Variants in SLC4A4 observed in about 807,000 individuals in gnomAD.
SLC4A4 encodes solute carrier family 4 member 4, also known as electrogenic sodium bicarbonate cotransporter 1.
Under a neutral mutation model 111.5 loss-of-function variants are expected in SLC4A4, and 27 were observed. That is an observed-to-expected ratio of 0.24 (90% confidence interval 0.18 to 0.33). SLC4A4 has a LOEUF of 0.33. SLC4A4 is among the 10% of genes least tolerant of loss of function. The probability of loss-of-function intolerance (pLI) is 1.00; values close to 1 mark genes in which losing one functional copy is unlikely to be tolerated. For synonymous variants in SLC4A4, 443 were observed against 463.4 expected (o/e 0.96, Z 0.57); for missense variants, 909 against 1,315.5 (o/e 0.69, Z 4.78).
At chr4:71,452,919 A>C (rs1456269873) in intron 11 of SLC4A4, among the ~76,000 whole-genome samples, 2 of 152,034 alleles carry the variant, frequency 1.3e-5, no homozygotes, top group African/African-American at 4.8e-5. Context: ...TTTTATCACT[A>C]TGTGTTGCAT....
At chr4:71,225,402 A>G (rs1718983032) in intron 1 of SLC4A4, among the ~76,000 whole-genome samples, 2 of 152,108 alleles carry the variant, frequency 1.3e-5, no homozygotes, top group Admixed American at 1.3e-4. Flanking sequence ...CTACATTGTT[A>G]TAGGTATTGA....
intron 2 of SLC4A4, among the ~76,000 whole-genome samples, chr4:71,236,894 C>T (rs1469132192): frequency 1.3e-5 from 2 of 152,162 alleles, no homozygotes; most frequent in Non-Finnish European, 2.9e-5. Flanking sequence ...AAAGTAAGTG[C>T]CTATGTTAGC....
chr4:71,234,729 C>T (rs576750313), intron 1 of SLC4A4, among the ~76,000 whole-genome samples: 34 of 152,310 alleles, frequency 2.2e-4, no homozygotes, highest in Admixed American at 7.2e-4. Flanking sequence ...CCACCACGGC[C>T]GGCCTCAAAT....
chr4:71,446,240 A>G (rs1435065005), intron 8 of SLC4A4, among the ~76,000 whole-genome samples: 1 of 152,142 alleles, frequency 6.6e-6, no homozygotes, highest in East Asian at 1.9e-4. Context: ...AACATTTTTT[A>G]AAGTATTTGC....
chr4:71,143,722 C>G (rs1454639652), intron 2 of SLC4A4, among the ~76,000 whole-genome samples: 1 of 151,954 alleles, frequency 6.6e-6, no homozygotes, highest in Non-Finnish European at 1.5e-5. Context: ...TTTACTGTGT[C>G]TTTTGGCTGC....
chr4:71,098,354 C>G (rs1742620215), intron 2 of SLC4A4, among the ~76,000 whole-genome samples: 1 of 152,036 alleles, frequency 6.6e-6, no homozygotes, highest in South Asian at 2.1e-4. Flanking sequence ...GGTCTTATTT[C>G]TAGGCTGTCT....
At chr4:71,477,338 C>T (rs529178725) in intron 14 of SLC4A4, among the ~76,000 whole-genome samples, 75 of 151,746 alleles carry the variant, frequency 4.9e-4, no homozygotes, top group African/African-American at 1.6e-3. Context: ...AAAGATGCCC[C>T]AGTGAGTTTA....
intron 12 of SLC4A4, among the ~76,000 whole-genome samples, chr4:71,464,137 A>G (rs997209938): frequency 3.9e-5 from 6 of 152,146 alleles, no homozygotes; most frequent in African/African-American, 1.4e-4. Flanking sequence ...ATAAATTATA[A>G]AGACATAGAA....
chr4:71,216,344 A>T (rs2149017096), intron 1 of SLC4A4, among the ~76,000 whole-genome samples: 1 of 152,270 alleles, frequency 6.6e-6, no homozygotes, highest in East Asian at 1.9e-4. Context: ...TCTGATTTTT[A>T]AAAATTGGCA....
chr4:71,261,848 T>C (rs1390355275), intron 3 of SLC4A4, among the ~76,000 whole-genome samples: 1 of 152,180 alleles, frequency 6.6e-6, no homozygotes, highest in East Asian at 1.9e-4. Flanking sequence ...TTGCTATTTA[T>C]AGTGACTTAT....
At chr4:71,337,796 CA>C (rs1216871193) in intron 3 of SLC4A4, among the ~76,000 whole-genome samples, 21 of 126,454 alleles carry the variant, frequency 1.7e-4, no homozygotes, top group Middle Eastern at 3.6e-3. Flanking sequence ...TTGGGATTAT[CA>C]TTTTTTTTTT....
chr4:71,341,050 A>G (rs1462989629), intron 4 of SLC4A4, among the ~76,000 whole-genome samples: 1 of 152,144 alleles, frequency 6.6e-6, no homozygotes, highest in Non-Finnish European at 1.5e-5. Context: ...TCTCATTGTC[A>G]TCATTATGTG....
At chr4:71,067,911 C>T (rs1242423477) in intron 1 of SLC4A4, among the ~76,000 whole-genome samples, 1 of 151,834 alleles carries the variant, frequency 6.6e-6, no homozygotes, top group Non-Finnish European at 1.5e-5. Context: ...ACACACCTGG[C>T]TAATTTTTAA....
chr4:71,267,809 A>G (rs1383393537), intron 3 of SLC4A4, among the ~76,000 whole-genome samples: 2 of 150,750 alleles, frequency 1.3e-5, no homozygotes, highest in Non-Finnish European at 3.0e-5. Flanking sequence ...AAAAAAAAAA[A>G]AAAAAAAAAG....
At chr4:71,500,265 A>T (rs1465651497) in intron 16 of SLC4A4, among the ~76,000 whole-genome samples, 1 of 152,102 alleles carries the variant, frequency 6.6e-6, no homozygotes, top group African/African-American at 2.4e-5. Flanking sequence ...TCTATTTATT[A>T]GGTGAATTGC....
intron 12 of SLC4A4, among the ~76,000 whole-genome samples, chr4:71,465,512 A>G (rs1177754277): frequency 1.3e-5 from 2 of 150,256 alleles, no homozygotes; most frequent in Non-Finnish European, 1.5e-5. Flanking sequence ...CCATTACCCT[A>G]ATTATTTTAA....
At chr4:71,365,770 G>T (rs994602077) in intron 6 of SLC4A4, among the ~76,000 whole-genome samples, 42 of 152,276 alleles carry the variant, frequency 2.8e-4, no homozygotes, top group African/African-American at 9.4e-4. Context: ...TATATTAGTA[G>T]TAGAAATAAG....
intron 3 of SLC4A4, among the ~76,000 whole-genome samples, chr4:71,268,512 A>T (rs1420534596): frequency 6.6e-6 from 1 of 152,200 alleles, no homozygotes; most frequent in African/African-American, 2.4e-5. Flanking sequence ...TTATTTTGTC[A>T]TAGTTAGGAC....
chr4:71,188,594 T>G (rs1251068781), intron 1 of SLC4A4, among the ~76,000 whole-genome samples: 1 of 152,210 alleles, frequency 6.6e-6, no homozygotes, highest in African/African-American at 2.4e-5. Context: ...TCTTGGGACT[T>G]GGAGTTGTAA....
Sources: gnomAD v4.1 joint callset for allele counts (sites outside exome capture counted in the v4.1 genomes callset) on GRCh38, gnomAD v4.1.1 for gene constraint, MANE v1.5 for transcripts, NCBI Gene and HGNC (gene_info 2026-07-23, HGNC 2026-07-21) for gene names.